Variants in ABCB5 observed in about 807,000 individuals in gnomAD.
ABCB5 encodes ATP binding cassette subfamily B member 5, also known as ATP-binding cassette sub-family B member 5.
Under a neutral mutation model 144.2 loss-of-function variants are expected in ABCB5, and 155 were observed. The ratio of observed to expected loss-of-function variants is 1.08; its 90% CI spans 0.94 to 1.23. The LOEUF is 1.23. Among genes scored for constraint, ABCB5 ranks in the 50% most tolerant of loss-of-function variants. The pLI, the probability that ABCB5 is intolerant of heterozygous loss-of-function variation, is 0.00. For missense variants in ABCB5, 1,830 were observed against 1,520.8 expected (o/e 1.20, Z -3.38); for synonymous variants, 610 against 528.6 (o/e 1.15, Z -2.11).
At chr7:20,670,823 C>T (rs1039138569) in intron 14 of ABCB5, among the ~76,000 whole-genome samples, 10 of 152,274 alleles carry the variant, frequency 6.6e-5, no homozygotes, top group Non-Finnish European at 1.2e-4. Flanking sequence ...GCAGGAGAAT[C>T]GCTTGAACCT....
chr7:20,688,909 T>C (rs986297411), intron 16 of ABCB5, among the ~76,000 whole-genome samples: 5 of 151,746 alleles, frequency 3.3e-5, no homozygotes, highest in South Asian at 2.1e-4. Context: ...TAGGTGGGAA[T>C]TGAACAACGA....
At chr7:20,668,510 G>T (rs1785305108) in intron 14 of ABCB5, among the ~76,000 whole-genome samples, 2 of 151,922 alleles carry the variant, frequency 1.3e-5, no homozygotes, top group South Asian at 2.1e-4. Flanking sequence ...GAGAAGTGAG[G>T]AGCCCCTCCG....
chr7:20,628,613 T>TG, intron 3 of ABCB5, 75 bp from the exon 4 acceptor site: 1 of 1,357,762 alleles, frequency 7.4e-7, no homozygotes, highest in Non-Finnish European at 1.0e-6. Flanking sequence ...CTGTAGGCTG[T>TG]TGTGTGTGTG....
chr7:20,677,602 G>A (rs1327765584), intron 14 of ABCB5, among the ~76,000 whole-genome samples: 3 of 152,086 alleles, frequency 2.0e-5, no homozygotes, highest in South Asian at 2.1e-4. Context: ...GGTGGTGCAC[G>A]CCTGTAATTC....
Position 20,721,603 on chromosome 7 carries a change from A to G in ABCB5, c.2422-1413A>G, listed in dbSNP as rs545797195. On this transcript the variant is annotated intron_variant, in intron 20 of 27. Transcript: ENST00000404938. ...TTCCATAGCAACTCTTGCCTCTCCAACACAAAGCTTCATGCTCCAAAAAGC... is the reference window on the plus strand; with the variant it reads ...TTCCATAGCAACTCTTGCCTCTCCAGCACAAAGCTTCATGCTCCAAAAAGC... Among the ~76,000 whole-genome samples the G allele has an allele frequency of 2.0e-5, 3 of 152,282 alleles. No homozygotes were observed. The East Asian group carries it at 5.8e-4, about 29-fold the overall frequency.
intron 23 of ABCB5, among the ~76,000 whole-genome samples, chr7:20,738,086 T>A (rs1376873022): frequency 1.3e-5 from 2 of 152,196 alleles, no homozygotes; most frequent in African/African-American, 4.8e-5. Flanking sequence ...GTGTTTACTT[T>A]GCTGTTATCC....
At chr7:20,725,800 T>G (rs1464931297) in intron 21 of ABCB5, among the ~76,000 whole-genome samples, 1 of 152,210 alleles carries the variant, frequency 6.6e-6, no homozygotes, top group Admixed American at 6.5e-5. Context: ...TTCTTATCCA[T>G]TTTCTTCATA....
intron 14 of ABCB5, among the ~76,000 whole-genome samples, chr7:20,674,749 TACACACAC>T (rs71555815): frequency 1.1e-3 from 151 of 140,348 alleles, no homozygotes; most frequent in Non-Finnish European, 1.9e-3. Context: ...CTCTAAAGAC[TACACACAC>T]ACACACACAC....
chr7:20,736,868 T>A (rs1782394348), intron 23 of ABCB5, among the ~76,000 whole-genome samples: 2 of 152,068 alleles, frequency 1.3e-5, no homozygotes, highest in South Asian at 4.1e-4. Context: ...TTATACAGAA[T>A]CCACCTGGAG....
rs1168727502 is a variant in ABCB5, at chr7:20,681,000, TTCTTTCTTTCTTTCTTTCTTTC to T, written c.1708-503_1708-482del. ...TTTCTTTCTTTCTTTCTTTCTTTCT[TTCTTTCTTTCTTTCTTTCTTTC>T]TTTCTTTCTTTCTCTTTCTTTCTTT... On this transcript the variant is annotated intron_variant, in intron 14 of 27. Transcript: ENST00000404938. Among the ~76,000 whole-genome samples the T allele has an allele frequency of 0.019, 136 of 7,070 alleles. 16 individuals are homozygous for T. In the East Asian group the frequency reaches 0.32, roughly 16 times the overall value. The allele number at this position is 7,070 out of a possible 152,430, so 4.6% of individuals were successfully genotyped here. A position where few individuals can be genotyped will look rare whatever the true frequency, so the allele number is the denominator to read the frequency against.
At chr7:20,658,380 T>G (rs1784882952) in intron 13 of ABCB5, 126 bp from the exon 14 acceptor site, 4 of 723,580 alleles carry the variant, frequency 5.5e-6, no homozygotes, top group Admixed American at 3.5e-5. Context: ...TCAAAAGACA[T>G]AAGCACCCAG....
intron 4 of ABCB5, among the ~76,000 whole-genome samples, chr7:20,629,275 C>T (rs982736884): frequency 2.0e-5 from 3 of 151,880 alleles, no homozygotes; most frequent in African/African-American, 7.2e-5. Flanking sequence ...GGGGACTCAG[C>T]AGAGAGCCAA....
rs374670890 is a variant in ABCB5, at chr7:20,733,182, C to CATTATTATTATTATT, written c.2867+4738_2867+4752dup. Among the ~76,000 whole-genome samples the CATTATTATTATTATT allele has an allele frequency of 4.0e-4, 60 of 151,108 alleles. No homozygotes were observed. In the East Asian group the frequency reaches 7.0e-3, roughly 18 times the overall value. On this transcript the variant is annotated intron_variant, in intron 23 of 27. Coordinates refer to ENST00000404938, the MANE Select transcript of ABCB5 (RefSeq NM_001163941.2). The stretch of plus-strand genomic sequence containing the variant: ...CCAGAGGTTTGGTTTACTCAACGTA[C>CATTATTATTATTATT]ATTATTATTATTATTATTATTATTA...
At chr7:20,697,964 T>C (rs1383498622) in intron 16 of ABCB5, among the ~76,000 whole-genome samples, 1 of 152,214 alleles carries the variant, frequency 6.6e-6, no homozygotes, top group African/African-American at 2.4e-5. Flanking sequence ...CTTGAAACTT[T>C]CCAACTTTCA....
Position 20,725,521 on chromosome 7 carries a change from G to T in ABCB5, c.2626-1519G>T, listed in dbSNP as rs192392870. Among the ~76,000 whole-genome samples, 35 of 152,346 alleles carry T rather than the reference G, an allele frequency of 2.3e-4. No individual in the cohort carries two copies. In the East Asian group the frequency reaches 6.6e-3, roughly 29 times the overall value. On this transcript the variant is annotated intron_variant, in intron 21 of 27. Coordinates refer to ENST00000404938, the MANE Select transcript of ABCB5 (RefSeq NM_001163941.2). ...TTGAAGCCAGGAGGCAGAGGTTGCA[G>T]TGAGCCAAGATCGCACCACTGCACT...
At chr7:20,698,660 G>C in intron 17 of ABCB5, 110 bp downstream of exon 17, 1 of 1,033,666 alleles carries the variant, frequency 9.7e-7, no homozygotes, top group South Asian at 1.8e-5. Context: ...ACTTTTAGTG[G>C]GCCGCCCCTA....
At chr7:20,668,610 C>T (rs76373903) in intron 14 of ABCB5, among the ~76,000 whole-genome samples, 12,167 of 114,382 alleles carry the variant, frequency 0.11, no homozygotes, top group East Asian at 0.17. Flanking sequence ...GGTCAGCCCC[C>T]CGCCCGGCCA....
intron 23 of ABCB5, among the ~76,000 whole-genome samples, chr7:20,728,939 G>C (rs1269889089): frequency 6.6e-6 from 1 of 151,950 alleles, no homozygotes; most frequent in Non-Finnish European, 1.5e-5. Context: ...TTTAAATTTT[G>C]TATTGATATA....
intron 14 of ABCB5, among the ~76,000 whole-genome samples, chr7:20,661,156 TC>T (rs1312773432): frequency 1.3e-5 from 2 of 152,100 alleles, no homozygotes; most frequent in African/African-American, 4.8e-5. Flanking sequence ...ATCCAATAAC[TC>T]CCCACCTCAC....
Sources: gnomAD v4.1 joint callset for allele counts (sites outside exome capture counted in the v4.1 genomes callset) on GRCh38, gnomAD v4.1.1 for gene constraint, MANE v1.5 for transcripts, NCBI Gene and HGNC (gene_info 2026-07-23, HGNC 2026-07-21) for gene names.